ZNF862: variants seen among roughly 807,000 people sequenced by gnomAD.
ZNF862 encodes zinc finger protein 862.
A neutral mutation model predicts 91.1 loss-of-function variants in ZNF862; 64 were observed. The observed-to-expected ratio is 0.70, with a 90% CI of 0.57 to 0.87. ZNF862 has a LOEUF of 0.87. Ranked by LOEUF, ZNF862 falls within the 40% of genes least tolerant of loss-of-function variation. The pLI, the probability that ZNF862 is intolerant of heterozygous loss-of-function variation, is 0.00. For missense variants in ZNF862, 1,459 were observed against 1,528.0 expected (o/e 0.95, Z 0.75); for synonymous variants, 631 against 618.1 (o/e 1.02, Z -0.31).
chr7:149,847,685 G>A (rs1330387628), intron 3 of ZNF862, 50 bp from the exon 4 acceptor site: 1 of 1,400,278 alleles, frequency 7.1e-7, no homozygotes, highest in South Asian at 1.4e-5. Flanking sequence ...AGTTGCAGTG[G>A]CTCTAACTAT....
chr7:149,846,592 C>A (rs1220061150), intron 3 of ZNF862, among the ~76,000 whole-genome samples: 1 of 151,718 alleles, frequency 6.6e-6, no homozygotes, highest in Non-Finnish European at 1.5e-5. Flanking sequence ...TAGATAATCA[C>A]TGAATGAATG....
At chr7:149,851,243 C>T (rs1054044192) in intron 5 of ZNF862, among the ~76,000 whole-genome samples, 1 of 152,176 alleles carries the variant, frequency 6.6e-6, no homozygotes, top group African/African-American at 2.4e-5. Flanking sequence ...GTTGGCCAGG[C>T]TGGTGTCGAA....
chr7:149,840,815 C>T, intron 1 of ZNF862: 1 of 367,768 alleles, frequency 2.7e-6, no homozygotes, highest in Non-Finnish European at 3.8e-6. Flanking sequence ...TAGGCTGTAC[C>T]ATGTAGTTTT....
intron 5 of ZNF862, among the ~76,000 whole-genome samples, chr7:149,854,539 A>G (rs1162597685): frequency 6.6e-6 from 1 of 152,102 alleles, no homozygotes; most frequent in Non-Finnish European, 1.5e-5. Flanking sequence ...CCCATTTCAA[A>G]GGACTGCAGA....
chr7:149,861,330 T>C lies in ZNF862; in HGVS notation c.2170T>C (p.Cys724Arg), dbSNP rs749958928. The C allele has an allele frequency of 3.1e-6, 5 of 1,613,006 alleles. No homozygotes were observed. The highest frequency in any genetic ancestry group is 4.2e-6 in the Non-Finnish European group (5 of 1,179,904). Residue 724 changes from cysteine to arginine, a missense_variant, in exon 7 of 8, where the codon TGC becomes CGC. Physicochemically the swap from Cys to Arg is radical, Grantham distance 180. Coordinates refer to ENST00000223210, the MANE Select transcript of ZNF862 (RefSeq NM_001099220.3). The surrounding 1 kb of genome is among the most constrained non-coding windows in gnomAD (Gnocchi z 6.7). ...CATCCCGCAGCTGCTGCCTGTCCAC[T>C]GCGTGGCCCACCGGCTGCACCTGGC... Reference protein sequence around the residue: ...EVIPQLLPVHCVAHRLHLAVV... With the variant: ...EVIPQLLPVHRVAHRLHLAVV...
chr7:149,847,621 G>A, intron 3 of ZNF862, 114 bp from the exon 4 acceptor site: 1 of 652,036 alleles, frequency 1.5e-6, no homozygotes, highest in Middle Eastern at 4.2e-4. Flanking sequence ...GTGTGTGTGT[G>A]TGTGTGTGTG....
rs139787517 is a variant in ZNF862 at position 149,864,200 on chromosome 7, G to A, written c.3426G>A (p.Ala1142=). 11 of 1,598,408 alleles carry A rather than the reference G, an allele frequency of 6.9e-6. No individual in the cohort carries two copies. The highest frequency in any genetic ancestry group is 4.0e-5 in the African/African-American group (3 of 74,658). ...KPPILPSREA[A]EVLKDCIMEP... ...CCATCCTGCCCTCCAGGGAAGCAGC[G>A]GAGGTTCTGAAGGACTGCATCATGG... The change falls in exon 8 of 8, where the codon GCG becomes GCA. Residue 1142 remains alanine (A), a synonymous_variant. Transcript: ENST00000223210.
Position 149,855,132 on chromosome 7 carries a change from A to G in ZNF862, c.1118-4290A>G, listed in dbSNP as rs1295568927. Among the ~76,000 whole-genome samples, 1 of 152,270 alleles carries G rather than the reference A, an allele frequency of 6.6e-6. No homozygotes were observed. The highest frequency in any genetic ancestry group is 1.5e-5 in the Non-Finnish European group (1 of 68,048). ...CAAACAATTTACTCTCAAATGGTTC[A>G]GAAAAATATTGTAGCTATACGTATA... On this transcript the variant is annotated intron_variant, in intron 5 of 7. Coordinates refer to ENST00000223210, the MANE Select transcript of ZNF862 (RefSeq NM_001099220.3). The surrounding 1 kb of genome is among the most constrained non-coding windows in gnomAD (Gnocchi z 4.1).
Position 149,861,658 on chromosome 7 carries a change from G to T in ZNF862, c.2498G>T (p.Arg833Leu), listed in dbSNP as rs1339850472. 1 of 1,609,330 alleles carries T rather than the reference G, an allele frequency of 6.2e-7. No homozygotes were observed. Among genetic ancestry groups the T allele is most frequent in the African/African-American group, 1.3e-5 (1 of 74,982 alleles). The change falls in exon 7 of 8, where the codon CGC becomes CTC. Residue 833 changes from arginine to leucine, a missense_variant. Arg to Leu is a moderately radical substitution (Grantham distance 102). Coordinates refer to ENST00000223210, the MANE Select transcript of ZNF862 (RefSeq NM_001099220.3). The surrounding 1 kb of genome is among the most constrained non-coding windows in gnomAD (Gnocchi z 6.7). ...GCCAAAGGGATGCTGAAGCTCATGCGCGGCTTCCACTTTGTCAAGTTCTGC... is the reference window on the plus strand; with the variant it reads ...GCCAAAGGGATGCTGAAGCTCATGCTCGGCTTCCACTTTGTCAAGTTCTGC... ...HRAKGMLKLMRGFHFVKFCHF... is the reference protein window; with the variant it reads ...HRAKGMLKLMLGFHFVKFCHF...
chr7:149,843,783 AT>A (rs1563115989), intron 1 of ZNF862, among the ~76,000 whole-genome samples: 30 of 152,166 alleles, frequency 2.0e-4, no homozygotes. Flanking sequence ...TTCTTGTTCC[AT>A]TGGGCTGCCT....
intron 4 of ZNF862, 138 bp downstream of exon 4, chr7:149,848,570 ATG>A: frequency 1.5e-6 from 1 of 678,556 alleles, no homozygotes; most frequent in Non-Finnish European, 2.3e-6. Flanking sequence ...ATATACCAAC[ATG>A]CTTATCATGG....
Position 149,860,792 on chromosome 7 carries a change from TC to T in ZNF862, c.1634del (p.Pro545GlnfsTer28), listed in dbSNP as rs772706986. 1.9e-6 allele frequency: 3 copies of T among 1,613,854 alleles called. No homozygotes were observed. The South Asian group carries it at 3.3e-5, about 18-fold the overall frequency. ...AAGACACCCCTCACACTGCCCTCGT[TC>T]CAGAGATCTCCAGCGACCTCATGGC... ...KEDTPHTALV[P>X]EISSDLMANM... On this transcript the variant is annotated frameshift_variant, in exon 7 of 8. Transcript: ENST00000223210. LOFTEE classifies it high-confidence loss of function.
intron 5 of ZNF862, among the ~76,000 whole-genome samples, chr7:149,857,650 A>G (rs187041228): frequency 4.5e-4 from 69 of 152,242 alleles, no homozygotes; most frequent in African/African-American, 1.6e-3. Context: ...AGCCCTGTGC[A>G]TGGCTGCAGA....
intron 5 of ZNF862, among the ~76,000 whole-genome samples, chr7:149,857,038 T>C (rs1802287414): frequency 6.6e-6 from 1 of 152,230 alleles, no homozygotes; most frequent in South Asian, 2.1e-4. Context: ...ATGACATATT[T>C]GTTCTACTCT....
At chr7:149,859,612 C>G in intron 6 of ZNF862, 86 bp downstream of exon 6, 2 of 1,157,460 alleles carry the variant, frequency 1.7e-6, no homozygotes, top group Non-Finnish European at 2.4e-6. Context: ...CTCAGCTGTG[C>G]TCATCTGATG....
rs772970861 is a variant in ZNF862 at position 149,860,370 on chromosome 7, A to T, written c.1223-13A>T. Reference sequence around the variant, plus strand: ...GGGTAGCAGAACCAAGCATGATTCAATTTTCTCCAAAGGGAACAAGAAGAT... The same window carrying T: ...GGGTAGCAGAACCAAGCATGATTCATTTTTCTCCAAAGGGAACAAGAAGAT... On this transcript the variant is annotated splice_polypyrimidine_tract_variant and intron_variant, in intron 6 of 7. Coordinates refer to ENST00000223210, the MANE Select transcript of ZNF862 (RefSeq NM_001099220.3). The T allele has an allele frequency of 6.3e-7, 1 of 1,596,294 alleles. No individual in the cohort carries two copies. The highest frequency in any genetic ancestry group is 2.2e-5 in the East Asian group (1 of 44,726).
rs1055536863 is a variant in ZNF862 at position 149,865,905 on chromosome 7, GCTGT to G, written c.*1625_*1628del. On this transcript the variant is annotated 3_prime_UTR_variant, in exon 8 of 8. Coordinates refer to ENST00000223210, the MANE Select transcript of ZNF862 (RefSeq NM_001099220.3). ...CCTTCCTATTCCCAGGGTAGAAGCT[GCTGT>G]CTGAGTACCCTTCCCATTCCCAGGG... The G allele has an allele frequency of 3.2e-5, 4 of 125,988 alleles. No homozygotes were observed. The highest frequency in any genetic ancestry group is 8.1e-5 in the Admixed American group (1 of 12,380). The allele number at this position is 125,988 out of a possible 1,614,324, so 7.8% of individuals were successfully genotyped here. A position where few individuals can be genotyped will look rare whatever the true frequency, so the allele number is the denominator to read the frequency against.
In ZNF862 at chr7:149,861,493, TC is replaced by T. The variant is rs1343423946; in HGVS notation, c.2334del (p.Ile779SerfsTer3). 1 of 1,612,250 alleles carries T rather than the reference TC, an allele frequency of 6.2e-7. No homozygotes were observed. On this transcript the variant is annotated frameshift_variant, in exon 7 of 8. Coordinates refer to ENST00000223210, the MANE Select transcript of ZNF862 (RefSeq NM_001099220.3). LOFTEE classifies it high-confidence loss of function. This position sits in a 1 kb window ranked among gnomAD's most constrained non-coding sequence, Gnocchi z 6.7. ...QEGAAPLEQE[I>X]IRLKDLNAVR... The stretch of plus-strand genomic sequence containing the variant: ...GGTGCGGCGCCTCTGGAGCAGGAGA[TC>T]ATCCGCCTGAAGGATCTGAATGCGG...
chr7:149,859,436 A>C lies in ZNF862; in HGVS notation c.1132A>C (p.Lys378Gln). The change falls in exon 6 of 8, where the codon AAG (lysine) becomes CAG (glutamine). Residue 378 changes from lysine (K) to glutamine (Q), a missense_variant. Transcript: ENST00000223210. ...LLASLGPAAA[K>Q]PDLISKLERR... ...CCTTACAACAGGACCTGCCGCTGCC[A>C]AGCCAGACTTGATCTCCAAACTGGA... The C allele has an allele frequency of 6.3e-7, 1 of 1,581,124 alleles. No homozygotes were observed.
Sources: gnomAD v4.1 joint callset for allele counts (sites outside exome capture counted in the v4.1 genomes callset) on GRCh38, gnomAD v4.1.1 for gene constraint, Gnocchi (gnomAD v3.1) non-coding constraint, MANE v1.5 for transcripts, NCBI Gene and HGNC (gene_info 2026-07-23, HGNC 2026-07-21) for gene names.